Variants in MED27 observed in about 807,000 individuals in gnomAD.
MED27 encodes the protein mediator of RNA polymerase II transcription subunit 27.
Under a neutral mutation model 38.2 loss-of-function variants are expected in MED27, and 30 were observed. The ratio of observed to expected loss-of-function variants is 0.79; its 90% CI spans 0.59 to 1.07. The LOEUF (loss-of-function observed/expected upper bound fraction) is 1.07. MED27 is among the 50% of genes least tolerant of loss of function. The probability of loss-of-function intolerance (pLI) is 0.00; values close to 1 mark genes in which losing one functional copy is unlikely to be tolerated. For synonymous variants in MED27, 122 were observed against 153.5 expected (o/e 0.79, Z 1.52); for missense variants, 289 against 397.5 (o/e 0.73, Z 2.32).
rs564776283 is a variant in MED27, at chr9:132,021,628, T to C, written c.349-7161A>G. Among the ~76,000 whole-genome samples the C allele has an allele frequency of 3.3e-5, 5 of 152,322 alleles. No individual in the cohort carries two copies. The South Asian group carries it at 8.3e-4, about 25-fold the overall frequency. On this transcript the variant is annotated intron_variant, in intron 2 of 7. Transcript: ENST00000292035. ...GACAGGGTCATAAAGAAAGATCATG[T>C]TGGAGAGTCACCTGGTGTCAGGGGT...
chr9:131,953,681 T>G (rs938129174), intron 3 of MED27, among the ~76,000 whole-genome samples: 1 of 152,186 alleles, frequency 6.6e-6, no homozygotes, highest in African/African-American at 2.4e-5. Flanking sequence ...ACAGTTGGTT[T>G]GCAAATGACT....
At chr9:132,040,159 T>C (rs1833175510) in intron 2 of MED27, among the ~76,000 whole-genome samples, 1 of 152,262 alleles carries the variant, frequency 6.6e-6, no homozygotes, top group African/African-American at 2.4e-5. Context: ...GATTTCACCT[T>C]GTCGTGCTCA....
chr9:132,014,406 G>C lies in MED27; in HGVS notation c.410C>G (p.Ala137Gly). Residue 137 changes from alanine to glycine, a missense_variant, in exon 3 of 8, where the codon GCT becomes GGT. Transcript: ENST00000292035. ...TTTGGCAGATACTCCCATCTGATTA[G>C]CGGAACGCTTCAATGACTGCTGATT... Reference protein sequence around the residue: ...LLNQQSLKRSANQMGVSAKRR... With the variant: ...LLNQQSLKRSGNQMGVSAKRR... The C allele has an allele frequency of 1.9e-6, 3 of 1,613,852 alleles. No individual in the cohort carries two copies. Among genetic ancestry groups the C allele is most frequent in the Non-Finnish European group, 2.5e-6 (3 of 1,179,988 alleles).
At chr9:132,058,999 G>A (rs1013777772) in intron 2 of MED27, among the ~76,000 whole-genome samples, 1 of 152,074 alleles carries the variant, frequency 6.6e-6, no homozygotes, top group African/African-American at 2.4e-5. Flanking sequence ...TCCCCACCGT[G>A]CACACCTCCT....
chr9:131,979,156 C>A lies in MED27; in HGVS notation c.479+35181G>T, dbSNP rs137891199. On this transcript the variant is annotated intron_variant, in intron 3 of 7. Transcript: ENST00000292035. Reference sequence around the variant, plus strand: ...TTTTTCTTTTTCCCTCTCACCCATGCCTTGGGCCTTGGGAGCTCCCTGGAC... The same window carrying A: ...TTTTTCTTTTTCCCTCTCACCCATGACTTGGGCCTTGGGAGCTCCCTGGAC... Among the ~76,000 whole-genome samples the A allele has an allele frequency of 3.5e-4, 54 of 152,224 alleles. 1 individual carries two copies. In the East Asian group the frequency reaches 9.3e-3, roughly 26 times the overall value.
At chr9:131,991,792 G>A (rs1400963363) in intron 3 of MED27, among the ~76,000 whole-genome samples, 7 of 152,126 alleles carry the variant, frequency 4.6e-5, no homozygotes, top group Non-Finnish European at 8.8e-5. Flanking sequence ...CGCAATCTCC[G>A]CTCACTGCAA....
At chr9:132,060,307 A>C (rs117918176) in intron 2 of MED27, among the ~76,000 whole-genome samples, 5 of 152,274 alleles carry the variant, frequency 3.3e-5, no homozygotes, top group Non-Finnish European at 7.4e-5. Flanking sequence ...ACAGTGGAAG[A>C]AGATGAGTGT....
chr9:131,952,991 T>C (rs1347260609), intron 3 of MED27, among the ~76,000 whole-genome samples: 1 of 152,190 alleles, frequency 6.6e-6, no homozygotes. Flanking sequence ...AAACCAACCC[T>C]GCTAGAGTAA....
rs900267824 is a variant in MED27, at chr9:131,917,420, A to G, written c.573+21961T>C. On this transcript the variant is annotated intron_variant, in intron 4 of 7. Transcript: ENST00000292035. The surrounding 1 kb of genome is among the most constrained non-coding windows in gnomAD (Gnocchi z 4.6). ...AAGCAACAGGAGCCAACAGGGTAGCAGACTGGCATCTCTGGAATGATGAGT... is the reference window on the plus strand; with the variant it reads ...AAGCAACAGGAGCCAACAGGGTAGCGGACTGGCATCTCTGGAATGATGAGT... 5.3e-5 allele frequency among the ~76,000 whole-genome samples: 8 copies of G among 152,194 alleles called. No individual in the cohort carries two copies. Among genetic ancestry groups the G allele is most frequent in the Non-Finnish European group, 1.0e-4 (7 of 68,046 alleles).
intron 2 of MED27, among the ~76,000 whole-genome samples, chr9:132,064,857 T>C (rs1351958505): frequency 6.6e-6 from 1 of 152,190 alleles, no homozygotes; most frequent in Admixed American, 6.5e-5. Context: ...ACTGGTAAGC[T>C]GAGGCATTTA....
intron 3 of MED27, among the ~76,000 whole-genome samples, chr9:131,994,542 T>C (rs1589255071): frequency 6.6e-6 from 1 of 152,254 alleles, no homozygotes. Context: ...CCTGGAGGAC[T>C]GCAGACCTCT....
At chr9:132,014,945 C>T (rs576718106) in intron 2 of MED27, among the ~76,000 whole-genome samples, 19 of 152,228 alleles carry the variant, frequency 1.2e-4, no homozygotes, top group African/African-American at 4.6e-4. Flanking sequence ...TTAAAGCCTA[C>T]GTAATTTTTT....
At position 131,905,967 on chromosome 9, in the gene MED27, A is replaced by G. The variant is rs182308491; in HGVS notation, c.574-11975T>C. 1.8e-4 allele frequency among the ~76,000 whole-genome samples: 27 copies of G among 152,324 alleles called. No individual in the cohort carries two copies. The East Asian group carries it at 4.8e-3, about 27-fold the overall frequency. On this transcript the variant is annotated intron_variant, in intron 4 of 7. Coordinates refer to ENST00000292035, the MANE Select transcript of MED27 (RefSeq NM_004269.4). ...ATTCACAGAGCTAACAGTCTAGTGA[A>G]GGAGACAGGCAATGAAGAAGTGTAT...
At chr9:132,073,295 C>T in intron 2 of MED27, 1 of 982,330 alleles carries the variant, frequency 1.0e-6, no homozygotes, top group African/African-American at 1.7e-5. Flanking sequence ...TGTACTTCAT[C>T]AAAAATACAA....
chr9:132,022,017 C>G (rs1832726995), intron 2 of MED27, among the ~76,000 whole-genome samples: 1 of 152,184 alleles, frequency 6.6e-6, no homozygotes, highest in Admixed American at 6.5e-5. Context: ...GTGGCCTAAA[C>G]TAAGACACAT....
At chr9:132,066,243 C>T (rs1833806584) in intron 2 of MED27, among the ~76,000 whole-genome samples, 2 of 152,338 alleles carry the variant, frequency 1.3e-5, no homozygotes, top group African/African-American at 2.4e-5. Context: ...ATCGAAGAGA[C>T]ACTTTATCAG....
At chr9:132,009,292 A>T (rs1832431749) in intron 3 of MED27, among the ~76,000 whole-genome samples, 1 of 152,234 alleles carries the variant, frequency 6.6e-6, no homozygotes, top group Non-Finnish European at 1.5e-5. Context: ...TGGTTTTAAA[A>T]TAAATATGTC....
intron 2 of MED27, among the ~76,000 whole-genome samples, chr9:132,028,339 G>A (rs1218830774): frequency 1.3e-5 from 2 of 152,066 alleles, no homozygotes; most frequent in African/African-American, 4.8e-5. Flanking sequence ...CATACAGAGG[G>A]TTTGTTTCTT....
rs565562061 is a variant in MED27 at position 132,073,169 on chromosome 9, T to C, written c.348+4273A>G. On this transcript the variant is annotated intron_variant, in intron 2 of 7. Transcript: ENST00000292035. ...CATTGGTTCACCCAATGACCTCACC[T>C]TGGCCTTCCAAATGACCCCCAGCCC... is the stretch of plus-strand genomic sequence containing the variant. 3.3e-5 allele frequency among the ~76,000 whole-genome samples: 5 copies of C among 152,178 alleles called. No individual in the cohort carries two copies. The East Asian group carries it at 9.7e-4, about 29-fold the overall frequency.
Sources: allele counts gnomAD v4.1 joint callset (sites outside exome capture counted in the v4.1 genomes callset), GRCh38; gene constraint gnomAD v4.1.1; non-coding constraint Gnocchi (gnomAD v3.1); transcripts MANE v1.5; gene names NCBI Gene and HGNC (gene_info 2026-07-23, HGNC 2026-07-21).